Variants in CNTN5 observed in about 807,000 individuals in gnomAD.
CNTN5 encodes contactin-5.
Under a neutral mutation model 129.1 loss-of-function variants are expected in CNTN5, and 77 were observed. The observed-to-expected ratio is 0.60, with a 90% CI of 0.50 to 0.72. The LOEUF (loss-of-function observed/expected upper bound fraction) is 0.72. Ranked by LOEUF, CNTN5 falls within the 30% of genes least tolerant of loss-of-function variation. The probability of loss-of-function intolerance (pLI) is 0.00; values close to 1 mark genes in which losing one functional copy is unlikely to be tolerated. For synonymous variants in CNTN5, 509 were observed against 465.6 expected (o/e 1.09, Z -1.20); for missense variants, 1,478 against 1,328.8 (o/e 1.11, Z -1.75).
intron 6 of CNTN5, 29 bp from the exon 7 acceptor site, chr11:99,916,025 T>C: frequency 1.3e-6 from 2 of 1,542,022 alleles, no homozygotes; most frequent in South Asian, 1.1e-5. Context: ...TTTTCTGCCT[T>C]GGATCTAAAT....
intron 9 of CNTN5, among the ~76,000 whole-genome samples, chr11:100,013,749 A>T (rs962666221): frequency 6.6e-6 from 1 of 152,218 alleles, no homozygotes; most frequent in Non-Finnish European, 1.5e-5. Context: ...CCTAACAGTT[A>T]TCTCTTCTAA....
chr11:100,170,687 A>G (rs1466828560), intron 13 of CNTN5, among the ~76,000 whole-genome samples: 1 of 151,914 alleles, frequency 6.6e-6, no homozygotes, highest in Non-Finnish European at 1.5e-5. Context: ...ATAGACAAGG[A>G]CAGTTCCATG....
At chr11:99,384,666 T>G (rs1021538555) in intron 2 of CNTN5, among the ~76,000 whole-genome samples, 1 of 152,234 alleles carries the variant, frequency 6.6e-6, no homozygotes, top group African/African-American at 2.4e-5. Context: ...CCAGGTTTTA[T>G]TGAACTATTC....
chr11:99,860,950 A>ATTTTTTTT (rs146364893), intron 6 of CNTN5, among the ~76,000 whole-genome samples: 13 of 91,032 alleles, frequency 1.4e-4, no homozygotes, highest in Non-Finnish European at 1.8e-4. Flanking sequence ...ATATGTCTTC[A>ATTTTTTTT]TTTTTTTTTT....
intron 1 of CNTN5, among the ~76,000 whole-genome samples, chr11:99,091,368 G>A (rs1326176469): frequency 6.6e-6 from 1 of 152,140 alleles, no homozygotes; most frequent in Non-Finnish European, 1.5e-5. Context: ...AAATAGTTTG[G>A]TGGTCTCTGG....
intron 7 of CNTN5, among the ~76,000 whole-genome samples, chr11:99,937,202 G>A (rs1292324183): frequency 1.3e-5 from 2 of 152,148 alleles, no homozygotes; most frequent in African/African-American, 2.4e-5. Context: ...TATAGTAAGC[G>A]GTGTAACTGT....
chr11:100,117,529 T>C (rs2138146604), intron 13 of CNTN5, among the ~76,000 whole-genome samples: 1 of 152,052 alleles, frequency 6.6e-6, no homozygotes, highest in South Asian at 2.1e-4. Context: ...ATATAAAATG[T>C]CTACCACATA....
intron 13 of CNTN5, among the ~76,000 whole-genome samples, chr11:100,086,249 CTCTG>C (rs1050425674): frequency 4.3e-4 from 64 of 150,476 alleles, no homozygotes; most frequent in African/African-American, 1.4e-3. Flanking sequence ...CCACTAATTA[CTCTG>C]TCTACCAAAG....
At chr11:99,747,661 G>A (rs1225009308) in intron 3 of CNTN5, among the ~76,000 whole-genome samples, 2 of 151,910 alleles carry the variant, frequency 1.3e-5, no homozygotes, top group Admixed American at 6.6e-5. Context: ...TTTTAGTAGA[G>A]ACGAGGTTTC....
intron 2 of CNTN5, among the ~76,000 whole-genome samples, chr11:99,421,576 T>C (rs1942890279): frequency 6.6e-6 from 1 of 152,216 alleles, no homozygotes; most frequent in Non-Finnish European, 1.5e-5. Context: ...TAGCATGACA[T>C]TGACTTATGA....
chr11:100,241,270 C>T (rs1949736226), intron 16 of CNTN5, among the ~76,000 whole-genome samples: 2 of 152,232 alleles, frequency 1.3e-5, no homozygotes, highest in South Asian at 2.1e-4. Flanking sequence ...TTCAGGATCA[C>T]CTTCGATGGA....
intron 22 of CNTN5, 48 bp from the exon 23 acceptor site, chr11:100,341,045 A>G (rs1952147640): frequency 7.8e-7 from 1 of 1,283,858 alleles, no homozygotes; most frequent in East Asian, 2.3e-5. Flanking sequence ...AAATGAAGAA[A>G]TGTATTTAAG....
chr11:99,598,954 G>A (rs1950230623), intron 3 of CNTN5, among the ~76,000 whole-genome samples: 1 of 152,056 alleles, frequency 6.6e-6, no homozygotes, highest in African/African-American at 2.4e-5. Flanking sequence ...TGATATATAT[G>A]TCTTTAATAA....
chr11:100,030,639 G>A (rs1286377773), intron 9 of CNTN5, among the ~76,000 whole-genome samples: 1 of 152,154 alleles, frequency 6.6e-6, no homozygotes, highest in African/African-American at 2.4e-5. Context: ...TGATGTACAT[G>A]AATGTGTACA....
chr11:99,352,975 C>G (rs1029497005), intron 2 of CNTN5, among the ~76,000 whole-genome samples: 9 of 152,154 alleles, frequency 5.9e-5, no homozygotes, highest in Non-Finnish European at 1.2e-4. Context: ...TCCCTTATAC[C>G]ACAGATCCTT....
At chr11:100,186,832 G>A (rs764970887) in intron 13 of CNTN5, among the ~76,000 whole-genome samples, 1 of 152,082 alleles carries the variant, frequency 6.6e-6, no homozygotes, top group Non-Finnish European at 1.5e-5. Context: ...TGTATTGTAA[G>A]GAAGTATTAA....
intron 6 of CNTN5, among the ~76,000 whole-genome samples, chr11:99,846,357 CAAAAAA>C (rs35705639): frequency 3.3e-5 from 2 of 61,424 alleles, no homozygotes; most frequent in African/African-American, 6.5e-5. Flanking sequence ...GGATCTGTCT[CAAAAAA>C]AAAAAAAAAA....
intron 8 of CNTN5, among the ~76,000 whole-genome samples, chr11:99,970,360 G>T (rs1184431348): frequency 2.0e-5 from 3 of 152,178 alleles, no homozygotes; most frequent in African/African-American, 7.2e-5. Flanking sequence ...AAATTCACAA[G>T]AGTGACATGA....
At chr11:100,004,487 T>TC (rs1361561115) in intron 9 of CNTN5, among the ~76,000 whole-genome samples, 1 of 152,196 alleles carries the variant, frequency 6.6e-6, no homozygotes, top group Non-Finnish European at 1.5e-5. Flanking sequence ...TACTTTTTAA[T>TC]CCCTTTTTTA....
Sources: allele counts gnomAD v4.1 joint callset (sites outside exome capture counted in the v4.1 genomes callset), GRCh38; gene constraint gnomAD v4.1.1; transcripts MANE v1.5; gene names NCBI Gene and HGNC (gene_info 2026-07-23, HGNC 2026-07-21).